CACNB4: variants seen among roughly 807,000 people sequenced by gnomAD.
The protein encoded by CACNB4 is voltage-dependent L-type calcium channel subunit beta-4.
A neutral mutation model predicts 71.2 loss-of-function variants in CACNB4; 32 were observed. The observed-to-expected ratio is 0.45, with a 90% CI of 0.34 to 0.60. CACNB4 has a LOEUF of 0.60. Ranked by LOEUF, CACNB4 falls within the 20% of genes least tolerant of loss-of-function variation. CACNB4 has a pLI of 0.01. For synonymous variants in CACNB4, 231 were observed against 236.9 expected (o/e 0.97, Z 0.23); for missense variants, 464 against 647.9 (o/e 0.72, Z 3.08).
intron 2 of CACNB4, chr2:151,970,365 G>C (rs535720977): frequency 6.6e-6 from 1 of 152,124 alleles, no homozygotes; most frequent in South Asian, 2.1e-4. Flanking sequence ...TAGGTTTTTG[G>C]TAACTTTCTC....
intron 2 of CACNB4, among the ~76,000 whole-genome samples, chr2:152,013,307 T>C (rs1021421583): frequency 2.0e-5 from 3 of 152,150 alleles, no homozygotes; most frequent in African/African-American, 7.2e-5. Context: ...ACACAGGCCA[T>C]ATGAGGATTA....
At chr2:152,043,087 T>TCAA (rs1215755344) in intron 2 of CACNB4, among the ~76,000 whole-genome samples, 1 of 152,096 alleles carries the variant, frequency 6.6e-6, no homozygotes, top group Non-Finnish European at 1.5e-5. Flanking sequence ...AACCTTCAGT[T>TCAA]CAAGGGAATT....
chr2:151,903,710 C>T (rs1406296942), intron 2 of CACNB4, among the ~76,000 whole-genome samples: 1 of 152,144 alleles, frequency 6.6e-6, no homozygotes, highest in East Asian at 1.9e-4. Flanking sequence ...ATAGTAGGCA[C>T]CCAGGTAAAA....
chr2:151,976,610 G>A (rs2099873855), intron 2 of CACNB4, among the ~76,000 whole-genome samples: 1 of 152,138 alleles, frequency 6.6e-6, no homozygotes, highest in Non-Finnish European at 1.5e-5. Flanking sequence ...ACACCTGTGA[G>A]TCACCTAAGG....
At chr2:151,930,357 T>TAAA (rs570690477) in intron 2 of CACNB4, among the ~76,000 whole-genome samples, 4 of 152,098 alleles carry the variant, frequency 2.6e-5, no homozygotes, top group Non-Finnish European at 5.9e-5. Flanking sequence ...ACTTAAAGGG[T>TAAA]AAAAAAATTA....
intron 2 of CACNB4, among the ~76,000 whole-genome samples, chr2:152,083,697 T>G (rs1177570463): frequency 1.3e-5 from 2 of 152,242 alleles, no homozygotes; most frequent in Non-Finnish European, 2.9e-5. Context: ...CGGTAGCCAA[T>G]TTGTGCTGGC....
chr2:151,864,680 A>G (rs2099842633), intron 9 of CACNB4, among the ~76,000 whole-genome samples: 1 of 152,216 alleles, frequency 6.6e-6, no homozygotes, highest in Non-Finnish European at 1.5e-5. Context: ...GAGTCATTCC[A>G]TCTTTTGACC....
chr2:151,905,711 A>G (rs2099854632), intron 2 of CACNB4, among the ~76,000 whole-genome samples: 1 of 152,258 alleles, frequency 6.6e-6, no homozygotes, highest in Admixed American at 6.5e-5. Context: ...AGGCCCAGCA[A>G]GGGAAAGATG....
At chr2:152,040,718 G>A (rs1474952830) in intron 2 of CACNB4, among the ~76,000 whole-genome samples, 1 of 152,186 alleles carries the variant, frequency 6.6e-6, no homozygotes, top group African/African-American at 2.4e-5. Context: ...TAGGATTACA[G>A]GCGTGAGCCA....
At chr2:151,860,523 A>G (rs2099841364) in intron 10 of CACNB4, 188 bp downstream of exon 10, 1 of 605,880 alleles carries the variant, frequency 1.7e-6, no homozygotes, top group Non-Finnish European at 2.9e-6. Context: ...ACTAAAGCTG[A>G]GAGACAGCAA....
At chr2:151,847,336 C>G (rs1005125458) in intron 12 of CACNB4, among the ~76,000 whole-genome samples, 1 of 152,006 alleles carries the variant, frequency 6.6e-6, no homozygotes, top group Admixed American at 6.6e-5. Context: ...TGCACTCCAG[C>G]CTGAACAACA....
At chr2:151,945,730 G>A (rs1015446761) in intron 2 of CACNB4, among the ~76,000 whole-genome samples, 4 of 152,044 alleles carry the variant, frequency 2.6e-5, no homozygotes, top group African/African-American at 9.7e-5. Flanking sequence ...AGGAACAAAT[G>A]AGTTAATATA....
At chr2:151,981,869 A>G (rs2099874777) in intron 2 of CACNB4, among the ~76,000 whole-genome samples, 1 of 152,166 alleles carries the variant, frequency 6.6e-6, no homozygotes, top group East Asian at 1.9e-4. Context: ...TAAAACCTCA[A>G]CAATGGAGTA....
chr2:151,896,387 G>T (rs1356816325), intron 2 of CACNB4, among the ~76,000 whole-genome samples: 1 of 152,162 alleles, frequency 6.6e-6, no homozygotes, highest in Non-Finnish European at 1.5e-5. Context: ...TGCACATGCT[G>T]CCTCACCAGC....
chr2:151,938,468 T>C (rs1471488136), intron 2 of CACNB4, among the ~76,000 whole-genome samples: 1 of 152,144 alleles, frequency 6.6e-6, no homozygotes, highest in East Asian at 1.9e-4. Context: ...TATCTGGGTG[T>C]AGAGGTGGTG....
At chr2:152,021,059 T>C (rs937948888) in intron 2 of CACNB4, among the ~76,000 whole-genome samples, 4 of 152,122 alleles carry the variant, frequency 2.6e-5, no homozygotes, top group Non-Finnish European at 5.9e-5. Context: ...GAGACCATCC[T>C]GGCCAACGTG....
At chr2:152,032,719 A>C (rs1033602313) in intron 2 of CACNB4, among the ~76,000 whole-genome samples, 3 of 152,124 alleles carry the variant, frequency 2.0e-5, no homozygotes, top group Non-Finnish European at 4.4e-5. Flanking sequence ...TAATCTCAGC[A>C]CTTTGGGAGG....
intron 2 of CACNB4, among the ~76,000 whole-genome samples, chr2:152,023,986 G>T (rs1332999021): frequency 1.3e-5 from 2 of 152,210 alleles, no homozygotes; most frequent in Non-Finnish European, 2.9e-5. Context: ...TGTGGTAGGA[G>T]TGCTTAAAAT....
chr2:151,912,194 C>A (rs144081064), intron 2 of CACNB4, among the ~76,000 whole-genome samples: 2 of 152,098 alleles, frequency 1.3e-5, no homozygotes, highest in African/African-American at 4.8e-5. Flanking sequence ...TTAGTTATTT[C>A]TTGTCTTCTA....
Sources: gnomAD v4.1 joint callset for allele counts (sites outside exome capture counted in the v4.1 genomes callset) on GRCh38, gnomAD v4.1.1 for gene constraint, MANE v1.5 for transcripts, NCBI Gene and HGNC (gene_info 2026-07-23, HGNC 2026-07-21) for gene names.